TES: variants seen among roughly 807,000 people sequenced by gnomAD.
The protein encoded by TES is testin LIM domain protein.
A neutral mutation model predicts 48.2 loss-of-function variants in TES; 41 were observed. The observed-to-expected ratio is 0.85, with a 90% CI of 0.66 to 1.10. TES has a LOEUF of 1.10. TES is among the 50% of genes least tolerant of loss of function. The pLI is 0.00. For synonymous variants in TES, 162 were observed against 174.9 expected, an observed-to-expected ratio of 0.93 and a Z score of 0.58; for missense variants, 463 against 515.1, an observed-to-expected ratio of 0.90 and a Z score of 0.98.
chr7:116,242,778 A>C (rs1255330681), intron 2 of TES, among the ~76,000 whole-genome samples: 1 of 152,022 alleles, frequency 6.6e-6, no homozygotes, highest in Non-Finnish European at 1.5e-5. Flanking sequence ...TAATTAATAC[A>C]TTGCATTTCT....
At chr7:116,214,136 C>G (rs927455967) in intron 1 of TES, among the ~76,000 whole-genome samples, 3 of 151,946 alleles carry the variant, frequency 2.0e-5, no homozygotes, top group Non-Finnish European at 4.4e-5. Flanking sequence ...GCATACTTTT[C>G]TTAAGACTCT....
chr7:116,235,097 C>T (rs145983573), intron 2 of TES, among the ~76,000 whole-genome samples: 12 of 152,238 alleles, frequency 7.9e-5, no homozygotes, highest in East Asian at 1.9e-4. Context: ...GCTTGTGCCA[C>T]GACACCTGGC....
chr7:116,230,378 A>G (rs978158086), intron 1 of TES, among the ~76,000 whole-genome samples: 1 of 152,194 alleles, frequency 6.6e-6, no homozygotes, highest in Non-Finnish European at 1.5e-5. Flanking sequence ...AGAGTCCATA[A>G]AGAGATTAAG....
At chr7:116,235,461 T>C (rs1799757439) in intron 2 of TES, among the ~76,000 whole-genome samples, 1 of 152,152 alleles carries the variant, frequency 6.6e-6, no homozygotes, top group Admixed American at 6.5e-5. Flanking sequence ...AGAAAAAAAT[T>C]AATTGTAGTG....
chr7:116,238,847 A>G (rs528118549), intron 2 of TES, among the ~76,000 whole-genome samples: 1 of 152,114 alleles, frequency 6.6e-6, no homozygotes, highest in Non-Finnish European at 1.5e-5. Flanking sequence ...CAGATCCACC[A>G]GCCTCAGCCT....
chr7:116,257,245 C>A, intron 6 of TES, 49 bp from the exon 7 acceptor site: 1 of 1,488,284 alleles, frequency 6.7e-7, no homozygotes, highest in South Asian at 1.3e-5. Context: ...AAAATGTTAC[C>A]ATTACAGCTT....
chr7:116,217,973 CA>C (rs1361197680), intron 1 of TES: 1 of 482,792 alleles, frequency 2.1e-6, no homozygotes, highest in East Asian at 5.8e-5. Flanking sequence ...TGGTCAAATT[CA>C]AAAAAGTAAA....
At chr7:116,256,311 C>T (rs1040101704) in intron 6 of TES, among the ~76,000 whole-genome samples, 7 of 144,034 alleles carry the variant, frequency 4.9e-5, no homozygotes, top group African/African-American at 1.6e-4. Context: ...TGTTCCCACC[C>T]CTTATCCCTC....
At chr7:116,224,987 A>C (rs557442483) in intron 1 of TES, among the ~76,000 whole-genome samples, 4 of 152,068 alleles carry the variant, frequency 2.6e-5, no homozygotes, top group Non-Finnish European at 5.9e-5. Context: ...AATTTCTCCA[A>C]GTCTCAATTT....
intron 1 of TES, among the ~76,000 whole-genome samples, chr7:116,227,508 C>G (rs1163737739): frequency 6.6e-6 from 1 of 152,044 alleles, no homozygotes; most frequent in Non-Finnish European, 1.5e-5. Flanking sequence ...AATCTTGTGT[C>G]AGATCTTAAT....
chr7:116,250,496 T>C lies in TES; in HGVS notation c.702T>C (p.Tyr234=). The C allele has an allele frequency of 6.5e-7, 1 of 1,527,742 alleles. No homozygotes were observed. Among genetic ancestry groups the C allele is most frequent in the Non-Finnish European group, 8.8e-7 (1 of 1,140,098 alleles). The allele number at this position is 1,527,742 out of a possible 1,614,324, so 94.6% of individuals were successfully genotyped here. The part of the protein sequence containing the change: ...DKSAEHKRTQ[Y]SCYCCKLSMK... ...CTGCTGAGCACAAAAGAACTCAATA[T>C]GTAAGTAGAGTGGTCACACTGTTAG... Residue 234 remains tyrosine (Y), a splice_region_variant and synonymous_variant, in exon 4 of 7, where the codon TAT becomes TAC. Coordinates refer to ENST00000358204, the MANE Select transcript of TES (RefSeq NM_015641.4).
In TES at chr7:116,213,055, T is replaced by A. The variant is rs577531573; in HGVS notation, c.27+2321T>A. 5.9e-5 allele frequency among the ~76,000 whole-genome samples: 9 copies of A among 152,324 alleles called. No homozygotes were observed. In the East Asian group the frequency reaches 1.5e-3, roughly 26 times the overall value. ...GAGTCCCTTAATAGGCTTGATAGTC[T>A]AACAAAAAGTTTCCCAGTACAAAAT... On this transcript the variant is annotated intron_variant, in intron 1 of 6. Transcript: ENST00000358204.
chr7:116,243,978 TC>T (rs770790158), intron 2 of TES: 1 of 152,148 alleles, frequency 6.6e-6, no homozygotes, highest in African/African-American at 2.4e-5. Flanking sequence ...CCATTAGCTC[TC>T]ATGAGAACTC....
intron 2 of TES, 148 bp downstream of exon 2, chr7:116,234,767 AAG>A: frequency 6.9e-6 from 3 of 434,262 alleles, no homozygotes; most frequent in Non-Finnish European, 1.2e-5. Context: ...ACAACATAAA[AAG>A]TGTTCTGTCT....
chr7:116,242,640 T>C (rs1291322509), intron 2 of TES, among the ~76,000 whole-genome samples: 1 of 151,982 alleles, frequency 6.6e-6, no homozygotes, highest in East Asian at 1.9e-4. Flanking sequence ...AATCTATAAT[T>C]AATAATGTAT....
At chr7:116,225,521 T>A (rs1389893143) in intron 1 of TES, among the ~76,000 whole-genome samples, 1 of 152,202 alleles carries the variant, frequency 6.6e-6, no homozygotes, top group Admixed American at 6.5e-5. Context: ...TGTTTCCTTT[T>A]CATTCCTAAC....
rs776064762 is a variant in TES, at chr7:116,250,368, G to T, written c.574G>T (p.Val192Phe). The T allele has an allele frequency of 1.9e-6, 3 of 1,613,998 alleles. No homozygotes were observed. Among genetic ancestry groups the T allele is most frequent in the South Asian group, 2.2e-5 (2 of 91,018 alleles). ...YKSEALGVGD[V>F]KLPCEMDAQG... ...GAGCGAAGCTCTGGGAGTAGGAGATGTCAAACTTCCCTGTGAGATGGATGC... is the reference window on the plus strand; with the variant it reads ...GAGCGAAGCTCTGGGAGTAGGAGATTTCAAACTTCCCTGTGAGATGGATGC... Residue 192 changes from valine to phenylalanine, a missense_variant, in exon 4 of 7, where the codon GTC becomes TTC. By Grantham distance (50) the Val-to-Phe change is conservative. Transcript: ENST00000358204.
intron 1 of TES, among the ~76,000 whole-genome samples, chr7:116,229,056 A>G (rs1233735345): frequency 7.0e-6 from 1 of 142,710 alleles, no homozygotes; most frequent in Admixed American, 7.0e-5. Context: ...AATATTTGGT[A>G]ATTCTCACAA....
At chr7:116,242,068 G>A (rs572545821) in intron 2 of TES, among the ~76,000 whole-genome samples, 11 of 152,188 alleles carry the variant, frequency 7.2e-5, no homozygotes, top group East Asian at 1.9e-4. Context: ...TTGTACTGGT[G>A]TAGAACATAG....
Sources: allele counts gnomAD v4.1 joint callset (sites outside exome capture counted in the v4.1 genomes callset), GRCh38; gene constraint gnomAD v4.1.1; transcripts MANE v1.5; gene names NCBI Gene and HGNC (gene_info 2026-07-23, HGNC 2026-07-21).